The following PTPRD variants were observed in gnomAD, a reference collection of about 807,000 sequenced individuals.
The protein encoded by PTPRD is protein tyrosine phosphatase receptor type D, also known as receptor-type tyrosine-protein phosphatase delta.
A neutral mutation model predicts 214.5 loss-of-function variants in PTPRD; 34 were observed. The observed-to-expected ratio is 0.16, with a 90% confidence interval of 0.12 to 0.21. The LOEUF (loss-of-function observed/expected upper bound fraction) is 0.21, where lower values mean the gene tolerates loss of function less well. Among genes scored for constraint, PTPRD ranks in the 10% least tolerant of loss-of-function variants. PTPRD has a pLI of 1.00. For synonymous variants in PTPRD, 1,128 were observed against 845.7 expected (o/e 1.33, Z -5.79); for missense variants, 2,545 against 2,398.7 (o/e 1.06, Z -1.27).
At chr9:9,996,230 A>G (rs933301432) in intron 4 of PTPRD, among the ~76,000 whole-genome samples, 1 of 152,216 alleles carries the variant, frequency 6.6e-6, no homozygotes, top group South Asian at 2.1e-4. Context: ...TCATAACTTA[A>G]GTTGGGAGTT....
chr9:8,324,474 C>T (rs1440984297), intron 44 of PTPRD, among the ~76,000 whole-genome samples: 1 of 152,134 alleles, frequency 6.6e-6, no homozygotes, highest in African/African-American at 2.4e-5. Flanking sequence ...TGTATATGTG[C>T]CGCATTTTCT....
chr9:9,447,344 TG>T (rs2090782360), intron 8 of PTPRD, among the ~76,000 whole-genome samples: 1 of 152,076 alleles, frequency 6.6e-6, no homozygotes, highest in African/African-American at 2.4e-5. Flanking sequence ...CCATAAAAAA[TG>T]AGATCATGTC....
intron 39 of PTPRD, among the ~76,000 whole-genome samples, chr9:8,371,400 G>C (rs2081465573): frequency 6.6e-6 from 1 of 151,972 alleles, no homozygotes; most frequent in Non-Finnish European, 1.5e-5. Context: ...ATGTACATAA[G>C]CCATGACTCA....
chr9:8,461,422 C>T (rs185994454), intron 32 of PTPRD, among the ~76,000 whole-genome samples: 55 of 151,964 alleles, frequency 3.6e-4, no homozygotes, highest in African/African-American at 8.7e-4. Context: ...CTATGATATC[C>T]GATCCCATTT....
At chr9:8,471,608 G>GT (rs2096654779) in intron 30 of PTPRD, among the ~76,000 whole-genome samples, 1 of 152,098 alleles carries the variant, frequency 6.6e-6, no homozygotes, top group South Asian at 2.1e-4. Flanking sequence ...ATTGCACAGA[G>GT]TAAGATATTA....
At chr9:8,823,425 T>C (rs767278396) in intron 11 of PTPRD, among the ~76,000 whole-genome samples, 1 of 152,152 alleles carries the variant, frequency 6.6e-6, no homozygotes, top group Non-Finnish European at 1.5e-5. Flanking sequence ...CTTAAACCAA[T>C]AGTTTCCAAG....
At chr9:8,671,441 G>A (rs920647798) in intron 12 of PTPRD, among the ~76,000 whole-genome samples, 2 of 152,012 alleles carry the variant, frequency 1.3e-5, no homozygotes, top group Non-Finnish European at 2.9e-5. Flanking sequence ...AGTTCGCCCA[G>A]GATACAGAAC....
chr9:8,727,721 T>C (rs927402720), intron 12 of PTPRD, among the ~76,000 whole-genome samples: 4 of 152,140 alleles, frequency 2.6e-5, no homozygotes, highest in Non-Finnish European at 5.9e-5. Context: ...AGTGATGTCA[T>C]CCTAGGTCAC....
chr9:8,785,616 G>A (rs2095914491), intron 11 of PTPRD, among the ~76,000 whole-genome samples: 1 of 152,178 alleles, frequency 6.6e-6, no homozygotes, highest in East Asian at 1.9e-4. Context: ...TCAAAGCCAT[G>A]TCACAGAATT....
intron 2 of PTPRD, among the ~76,000 whole-genome samples, chr9:10,454,035 T>C (rs2098881061): frequency 6.6e-6 from 1 of 151,612 alleles, no homozygotes; most frequent in South Asian, 2.1e-4. Context: ...ACAAGCATAA[T>C]ACAAGATAGT....
At chr9:9,075,988 T>G (rs2099750602) in intron 10 of PTPRD, among the ~76,000 whole-genome samples, 1 of 152,204 alleles carries the variant, frequency 6.6e-6, no homozygotes, top group Non-Finnish European at 1.5e-5. Flanking sequence ...ATCGCCATAC[T>G]GTCTTCCACA....
Position 10,511,985 on chromosome 9 carries a change from TATAC to T in PTPRD, c.-600+100409_-600+100412del, listed in dbSNP as rs1566641757. 2.7e-3 allele frequency among the ~76,000 whole-genome samples: 262 copies of T among 98,394 alleles called. 4 individuals carry two copies. Among genetic ancestry groups the T allele is most frequent in the African/African-American group, 8.9e-3 (239 of 26,922 alleles). 64.6% of individuals were successfully genotyped at this position (98,394 alleles called of 152,430 possible). ...ATATATACGTGTGTGTGTATATATA[TATAC>T]GTGTGTGTATATATATATATACGTG... On this transcript the variant is annotated intron_variant, in intron 2 of 45. Transcript: ENST00000381196.
intron 4 of PTPRD, among the ~76,000 whole-genome samples, chr9:10,031,111 G>C (rs1328116873): frequency 6.6e-6 from 1 of 152,142 alleles, no homozygotes; most frequent in Non-Finnish European, 1.5e-5. Flanking sequence ...TGTAGCGCCA[G>C]GTAGTAATTT....
intron 27 of PTPRD, among the ~76,000 whole-genome samples, chr9:8,488,909 C>T (rs1334879095): frequency 2.0e-5 from 3 of 151,944 alleles, no homozygotes; most frequent in African/African-American, 7.3e-5. Flanking sequence ...TCAATATTCT[C>T]CAGAGGCAAC....
chr9:9,190,464 T>C (rs1173536087), intron 9 of PTPRD, among the ~76,000 whole-genome samples: 1 of 152,008 alleles, frequency 6.6e-6, no homozygotes. Context: ...AGCTGCCATG[T>C]AAGAAGTGCC....
At chr9:9,150,538 G>T (rs1475239125) in intron 10 of PTPRD, among the ~76,000 whole-genome samples, 2 of 150,096 alleles carry the variant, frequency 1.3e-5, no homozygotes, top group African/African-American at 4.9e-5. Context: ...CACCCAGACT[G>T]GAGTGCAATG....
intron 8 of PTPRD, among the ~76,000 whole-genome samples, chr9:9,404,778 A>G (rs1055593466): frequency 6.6e-6 from 1 of 152,116 alleles, no homozygotes; most frequent in African/African-American, 2.4e-5. Flanking sequence ...GTACATAGGT[A>G]GCACATTAGA....
intron 14 of PTPRD, among the ~76,000 whole-genome samples, chr9:8,575,462 T>C (rs1200717115): frequency 6.6e-6 from 1 of 152,154 alleles, no homozygotes; most frequent in African/African-American, 2.4e-5. Flanking sequence ...GTGAACTCTT[T>C]GCCTGTTGCT....
intron 3 of PTPRD, among the ~76,000 whole-genome samples, chr9:10,047,719 TCA>T (rs1189150701): frequency 1.3e-5 from 2 of 152,154 alleles, no homozygotes; most frequent in African/African-American, 4.8e-5. Flanking sequence ...AGTTTTATTC[TCA>T]CAGTGTTAAT....
Sources: gnomAD v4.1 joint callset for allele counts (sites outside exome capture counted in the v4.1 genomes callset) on GRCh38, gnomAD v4.1.1 for gene constraint, MANE v1.5 for transcripts, NCBI Gene and HGNC (gene_info 2026-07-23, HGNC 2026-07-21) for gene names.